Variants in CLPTM1 observed in about 807,000 individuals in gnomAD.
The protein encoded by CLPTM1 is putative lipid scramblase CLPTM1.
Under a neutral mutation model 77.3 loss-of-function variants are expected in CLPTM1, and 21 were observed. That is an observed-to-expected ratio of 0.27 (90% CI 0.19 to 0.39). The LOEUF (loss-of-function observed/expected upper bound fraction) is 0.39, where lower values mean the gene tolerates loss of function less well. Ranked by LOEUF, CLPTM1 falls within the 10% of genes least tolerant of loss-of-function variation. The pLI, the probability that CLPTM1 is intolerant of heterozygous loss-of-function variation, is 1.00. For synonymous variants in CLPTM1, 373 were observed against 381.0 expected (o/e 0.98, Z 0.24); for missense variants, 642 against 921.2 (o/e 0.70, Z 3.92).
At chr19:44,957,258 G>A (rs1433669697) in intron 1 of CLPTM1, among the ~76,000 whole-genome samples, 1 of 152,154 alleles carries the variant, frequency 6.6e-6, no homozygotes, top group African/African-American at 2.4e-5. Context: ...TAGTCCTACA[G>A]ATTTCAGATG....
chr19:44,973,761 G>GTTT lies in CLPTM1; in HGVS notation c.309+569_309+571dup, dbSNP rs71173113. On this transcript the variant is annotated intron_variant, in intron 3 of 13. Coordinates refer to ENST00000337392, the MANE Select transcript of CLPTM1 (RefSeq NM_001294.4). Reference sequence around the variant, plus strand: ...GGAAGTTCTTGTTGGGTCACAGTGGGTTTTTTTTTTTTTTTTTTTTGAGAT... The same window carrying GTTT: ...GGAAGTTCTTGTTGGGTCACAGTGGGTTTTTTTTTTTTTTTTTTTTTTTGAGAT... Among the ~76,000 whole-genome samples, 17 of 62,442 alleles carry GTTT rather than the reference G, an allele frequency of 2.7e-4. 1 individual carries two copies. Among genetic ancestry groups the GTTT allele is most frequent in the Non-Finnish European group, 3.9e-4 (10 of 25,388 alleles). 41.0% of individuals were successfully genotyped at this position (62,442 alleles called of 152,430 possible).
At chr19:44,985,597 G>A (rs762946855) in intron 6 of CLPTM1, among the ~76,000 whole-genome samples, 3 of 152,190 alleles carry the variant, frequency 2.0e-5, no homozygotes, top group African/African-American at 4.8e-5. Context: ...AGTCTCAGCC[G>A]GAAGTGGCAG....
Position 44,990,656 on chromosome 19 carries a change from C to A in CLPTM1, c.1323+71C>A, listed in dbSNP as rs1044484235. 3 of 1,533,226 alleles carry A rather than the reference C, an allele frequency of 2.0e-6. No individual in the cohort carries two copies. Among genetic ancestry groups the A allele is most frequent in the Non-Finnish European group, 2.7e-6 (3 of 1,117,536 alleles). 95.0% of individuals were successfully genotyped at this position (1,533,226 alleles called of 1,614,324 possible). On this transcript the variant is annotated intron_variant, in intron 10 of 13. Coordinates refer to ENST00000337392, the MANE Select transcript of CLPTM1 (RefSeq NM_001294.4). This position sits in a 1 kb window ranked among gnomAD's most constrained non-coding sequence, Gnocchi z 4.8. ...AGGGGGTAGTGTGGCCCAGCTGGAC[C>A]CTGGAGCTGGCCCCCGGGGGATTCC...
chr19:44,973,925 A>T lies in CLPTM1; in HGVS notation c.310-514A>T, dbSNP rs550305492. Among the ~76,000 whole-genome samples the T allele has an allele frequency of 4.5e-3, 672 of 148,006 alleles. 6 individuals carry two copies. Among genetic ancestry groups the T allele is most frequent in the African/African-American group, 0.016 (637 of 39,912 alleles). The stretch of plus-strand genomic sequence containing the variant: ...ATTACAGGCATGTGCCACCACGTCC[A>T]GCTAATTTTTTGTATTTTTAGTAGA... On this transcript the variant is annotated intron_variant, in intron 3 of 13. Transcript: ENST00000337392.
At chr19:44,987,886 A>G (rs986521519) in intron 8 of CLPTM1, 194 bp from the exon 9 acceptor site, 23 of 610,392 alleles carry the variant, frequency 3.8e-5, no homozygotes, top group African/African-American at 5.6e-5. Flanking sequence ...CCCTAGTGCC[A>G]TCTCCCCGTC....
In CLPTM1 at chr19:44,967,606, G is replaced by A. The variant is rs562209264; in HGVS notation, c.186-5481G>A. 1.4e-3 allele frequency among the ~76,000 whole-genome samples: 207 copies of A among 150,486 alleles called. 1 individual carries two copies. The highest frequency in any genetic ancestry group is 4.7e-3 in the African/African-American group (194 of 40,844). On this transcript the variant is annotated intron_variant, in intron 2 of 13. Transcript: ENST00000337392. ...CGGGAGGCGGAGGTTGCAGTGAGCC[G>A]AGATCATGCCATTTTACTCCAGCCT... is the stretch of plus-strand genomic sequence containing the variant.
rs1053076389 is a variant in CLPTM1, at chr19:44,990,694, C to T, written c.1323+109C>T. 9 of 1,391,112 alleles carry T rather than the reference C, an allele frequency of 6.5e-6. No individual in the cohort carries two copies. Among genetic ancestry groups the T allele is most frequent in the Admixed American group, 1.8e-5 (1 of 55,338 alleles). 86.2% of individuals were successfully genotyped at this position (1,391,112 alleles called of 1,614,324 possible). A position where few individuals can be genotyped will look rare whatever the true frequency, so the allele number is the denominator to read the frequency against. ...CCCGGGGGATTCCCAGCAAGTGCCT[C>T]ACTCCCAGGACTGAGGGGATTTTCT... On this transcript the variant is annotated intron_variant, in intron 10 of 13. Coordinates refer to ENST00000337392, the MANE Select transcript of CLPTM1 (RefSeq NM_001294.4). This position sits in a 1 kb window ranked among gnomAD's most constrained non-coding sequence, Gnocchi z 4.8.
Position 44,991,565 on chromosome 19 carries a change from C to T in CLPTM1, c.1555+192C>T, listed in dbSNP as rs532217318. ...GACTTCAGGGAGGACATGAACAGTA[C>T]GCTTCAGTCCTCATTCTCAGGGGGC... On this transcript the variant is annotated intron_variant, in intron 12 of 13. Coordinates refer to ENST00000337392, the MANE Select transcript of CLPTM1 (RefSeq NM_001294.4). This position sits in a 1 kb window ranked among gnomAD's most constrained non-coding sequence, Gnocchi z 5.4. Among the ~76,000 whole-genome samples, 1 of 152,158 alleles carries T rather than the reference C, an allele frequency of 6.6e-6. No homozygotes were observed. The highest frequency in any genetic ancestry group is 2.4e-5 in the African/African-American group (1 of 41,438).
chr19:44,965,238 G>A (rs967894191), intron 2 of CLPTM1, among the ~76,000 whole-genome samples: 5 of 152,192 alleles, frequency 3.3e-5, no homozygotes, highest in African/African-American at 7.2e-5. Flanking sequence ...GGTGGCTCAC[G>A]CCTGCAATCC....
intron 3 of CLPTM1, 26 bp downstream of exon 3, chr19:44,973,236 T>G (rs776945532): frequency 6.2e-7 from 1 of 1,613,612 alleles, no homozygotes; most frequent in Non-Finnish European, 8.5e-7. Context: ...TAGGGCAGAC[T>G]TGGGAGGTGA....
intron 4 of CLPTM1, among the ~76,000 whole-genome samples, chr19:44,975,649 C>T (rs1970795071): frequency 6.6e-6 from 1 of 152,048 alleles, no homozygotes; most frequent in Non-Finnish European, 1.5e-5. Flanking sequence ...ACTGCAACTT[C>T]ACCTCCCAGG....
rs557192951 is a variant in CLPTM1, at chr19:44,992,934, C to A, written c.*37C>A. 8 of 1,601,088 alleles carry A rather than the reference C, an allele frequency of 5.0e-6. No individual in the cohort carries two copies. The South Asian group carries it at 8.9e-5, about 18-fold the overall frequency. On this transcript the variant is annotated 3_prime_UTR_variant, in exon 14 of 14. Coordinates refer to ENST00000337392, the MANE Select transcript of CLPTM1 (RefSeq NM_001294.4). This position sits in a 1 kb window ranked among gnomAD's most constrained non-coding sequence, Gnocchi z 7.7. The stretch of plus-strand genomic sequence containing the variant: ...CCTCACCTGCTCCGGCTCCTGGCGA[C>A]CACTACCCCTGCGTCCCGGCCCCCT...
Position 44,990,737 on chromosome 19 carries a change from G to T in CLPTM1, c.1324-113G>T. The stretch of plus-strand genomic sequence containing the variant: ...GATTTTCTCACCAGGGGATTTTTTG[G>T]GTCACACATGGGGCAGGGGAACTGG... On this transcript the variant is annotated intron_variant, in intron 10 of 13. Coordinates refer to ENST00000337392, the MANE Select transcript of CLPTM1 (RefSeq NM_001294.4). This position sits in a 1 kb window ranked among gnomAD's most constrained non-coding sequence, Gnocchi z 4.8. 1 of 1,300,096 alleles carries T rather than the reference G, an allele frequency of 7.7e-7. No individual in the cohort carries two copies. Among genetic ancestry groups the T allele is most frequent in the Non-Finnish European group, 1.1e-6 (1 of 918,032 alleles). The allele number at this position is 1,300,096 out of a possible 1,614,324, so 80.5% of individuals were successfully genotyped here.
rs1971063796 is a variant in CLPTM1 at position 44,990,943 on chromosome 19, G to A, written c.1417G>A (p.Asp473Asn). Residue 473 changes from aspartate (D) to asparagine (N), a missense_variant and splice_region_variant, in exon 11 of 14, where the codon GAT becomes AAT. Asp to Asn is a conservative substitution (Grantham distance 23). Coordinates refer to ENST00000337392, the MANE Select transcript of CLPTM1 (RefSeq NM_001294.4). This position sits in a 1 kb window ranked among gnomAD's most constrained non-coding sequence, Gnocchi z 4.8. ...CGAGTCCTCGACCAAAGTGTATGAT[G>A]ATGTGAGTGTCCTGCACAGTGGGCC... ...YIESSTKVYD[D>N]MAFRYLSWIL... 2 of 1,610,422 alleles carry A rather than the reference G, an allele frequency of 1.2e-6. No homozygotes were observed. The highest frequency in any genetic ancestry group is 1.3e-5 in the African/African-American group (1 of 74,660).
In CLPTM1 at chr19:44,991,015, C is replaced by T. The variant is rs1053745188; in HGVS notation, c.1419+70C>T. 157 of 1,379,474 alleles carry T rather than the reference C, an allele frequency of 1.1e-4. No individual in the cohort carries two copies. Among genetic ancestry groups the T allele is most frequent in the Non-Finnish European group, 1.5e-4 (142 of 977,896 alleles). The allele number at this position is 1,379,474 out of a possible 1,614,324, so 85.5% of individuals were successfully genotyped here. ...CCACGTATCCCTGAGGCACCCGGGG[C>T]CGGCCATCTGTCTGCCGGACCCATG... On this transcript the variant is annotated intron_variant, in intron 11 of 13. Transcript: ENST00000337392. The surrounding 1 kb of genome is among the most constrained non-coding windows in gnomAD (Gnocchi z 5.4).
rs1970980234 is a variant in CLPTM1 at position 44,986,476 on chromosome 19, G to A, written c.694G>A (p.Val232Met). 1.2e-6 allele frequency: 2 copies of A among 1,614,138 alleles called. No homozygotes were observed. Among genetic ancestry groups the A allele is most frequent in the Non-Finnish European group, 1.7e-6 (2 of 1,180,014 alleles). Residue 232 changes from valine (V) to methionine (M), a missense_variant, in exon 7 of 14, where the codon GTG becomes ATG. Physicochemically the swap from Val to Met is conservative, Grantham distance 21. Transcript: ENST00000337392. ...MIKRAEDYGP[V>M]EVISHWHPNI... is the part of the protein sequence containing the mutation. ...TCAGAGGGCTGAGGACTATGGGCCT[G>A]TGGAGGTGATCTCCCATTGGCACCC...
Position 44,990,251 on chromosome 19 carries a change from G to A in CLPTM1, c.1133-144G>A, listed in dbSNP as rs918173700. 1 of 760,922 alleles carries A rather than the reference G, an allele frequency of 1.3e-6. No individual in the cohort carries two copies. The highest frequency in any genetic ancestry group is 1.7e-5 in the African/African-American group (1 of 57,264). 47.1% of individuals were successfully genotyped at this position (760,922 alleles called of 1,614,324 possible). On this transcript the variant is annotated intron_variant, in intron 9 of 13. Transcript: ENST00000337392. The surrounding 1 kb of genome is among the most constrained non-coding windows in gnomAD (Gnocchi z 4.8). ...AATGAATATGAGAGCCTTCCTGGGA[G>A]AGAGGGGTCTCGTTCAGCACCCCTC...
intron 6 of CLPTM1, 108 bp downstream of exon 6, chr19:44,985,411 G>A (rs556251275): frequency 9.2e-6 from 7 of 762,282 alleles, no homozygotes; most frequent in East Asian, 8.2e-5. Flanking sequence ...CCACCATGCC[G>A]GCTCGGTCAT....
At position 44,966,967 on chromosome 19, in the gene CLPTM1, G is replaced by T. The variant is rs555299411; in HGVS notation, c.185+4892G>T. On this transcript the variant is annotated intron_variant, in intron 2 of 13. Coordinates refer to ENST00000337392, the MANE Select transcript of CLPTM1 (RefSeq NM_001294.4). ...CGCCATTCTCCTGCCTCAGCCTCCC[G>T]AGTAGCTGGGACTACAGGCGCCCGC... Among the ~76,000 whole-genome samples the T allele has an allele frequency of 1.1e-4, 17 of 152,012 alleles. No individual in the cohort carries two copies. In the South Asian group the frequency reaches 2.9e-3, roughly 26 times the overall value.
Sources: allele counts gnomAD v4.1 joint callset (sites outside exome capture counted in the v4.1 genomes callset), GRCh38; gene constraint gnomAD v4.1.1; non-coding constraint Gnocchi (gnomAD v3.1); transcripts MANE v1.5; gene names NCBI Gene and HGNC (gene_info 2026-07-23, HGNC 2026-07-21).